FAM133B: variants seen among roughly 807,000 people sequenced by gnomAD.
The protein encoded by FAM133B is protein FAM133B.
FAM133B carries 25 observed loss-of-function variants against 46.4 expected under a neutral mutation model. The observed-to-expected ratio is 0.54, with a 90% confidence interval of 0.39 to 0.75. The LOEUF is 0.75. Among genes scored for constraint, FAM133B ranks in the 30% least tolerant of loss-of-function variants. The pLI is 0.00. For missense variants in FAM133B, 205 were observed against 277.6 expected (o/e 0.74, Z 1.86); for synonymous variants, 75 against 86.0 (o/e 0.87, Z 0.71).
chr7:92,578,217 TG>T (rs1794760509), intron 4 of FAM133B, 35 bp from the exon 5 acceptor site: 2 of 1,609,996 alleles, frequency 1.2e-6, no homozygotes, highest in South Asian at 1.1e-5. Flanking sequence ...CTAAATAAGC[TG>T]ATGTGAGTTT....
intron 1 of FAM133B, chr7:92,590,039 C>G: frequency 1.6e-6 from 1 of 607,602 alleles, no homozygotes; most frequent in South Asian, 2.0e-5. Context: ...GAAAGAGCGA[C>G]GAGGTGAGGG....
intron 7 of FAM133B, among the ~76,000 whole-genome samples, chr7:92,576,724 T>A (rs543891320): frequency 6.6e-6 from 1 of 152,352 alleles, no homozygotes; most frequent in South Asian, 2.1e-4. Context: ...TCCTGGTTAG[T>A]ACAGAACAAA....
At chr7:92,571,864 T>C (rs1274289416) in intron 8 of FAM133B, among the ~76,000 whole-genome samples, 1 of 152,218 alleles carries the variant, frequency 6.6e-6, no homozygotes, top group Non-Finnish European at 1.5e-5. Context: ...ATTTATTCAA[T>C]CTTCATATAT....
chr7:92,581,368 A>C, intron 2 of FAM133B, 138 bp downstream of exon 2: 1 of 677,690 alleles, frequency 1.5e-6, no homozygotes, highest in Non-Finnish European at 2.5e-6. Flanking sequence ...ATTCAAAAGA[A>C]AGCACATATC....
chr7:92,584,595 A>G (rs1046567922), intron 1 of FAM133B, among the ~76,000 whole-genome samples: 3 of 152,342 alleles, frequency 2.0e-5, no homozygotes, highest in East Asian at 1.9e-4. Context: ...TTACAGAATC[A>G]GGGCAAGATG....
chr7:92,575,490 A>T (rs1794666021), intron 8 of FAM133B, among the ~76,000 whole-genome samples: 1 of 152,224 alleles, frequency 6.6e-6, no homozygotes, highest in Non-Finnish European at 1.5e-5. Flanking sequence ...AAAGAAAAAA[A>T]GAAATCAAAG....
rs1585306577 is a variant in FAM133B, at chr7:92,575,745, T to G, written c.516+26A>C. 12 of 1,279,614 alleles carry G rather than the reference T, an allele frequency of 9.4e-6. No individual in the cohort carries two copies. The East Asian group carries it at 2.9e-4, about 30-fold the overall frequency. The allele number at this position is 1,279,614 out of a possible 1,614,324, so 79.3% of individuals were successfully genotyped here. A position where few individuals can be genotyped will look rare whatever the true frequency, so the allele number is the denominator to read the frequency against. ...ATTAAGTATTATATGACAGACTATC[T>G]TAAGGCAATGTAAAAGTATAGTTAC... On this transcript the variant is annotated intron_variant, in intron 8 of 10. Transcript: ENST00000445716.
At chr7:92,586,433 T>C (rs1795039392) in intron 1 of FAM133B, among the ~76,000 whole-genome samples, 1 of 152,242 alleles carries the variant, frequency 6.6e-6, no homozygotes, top group East Asian at 1.9e-4. Flanking sequence ...TTTTCATTTT[T>C]GTATCAGTGT....
intron 8 of FAM133B, among the ~76,000 whole-genome samples, chr7:92,573,386 C>G (rs1794595936): frequency 6.6e-6 from 1 of 151,738 alleles, no homozygotes; most frequent in Non-Finnish European, 1.5e-5. Flanking sequence ...AACTCCTGGC[C>G]TTAAGTGATC....
Position 92,590,259 on chromosome 7 carries a change from A to G in FAM133B, c.24+9T>C. On this transcript the variant is annotated intron_variant, in intron 1 of 10. Transcript: ENST00000445716. ...CGTCGCCCCACTGTTTTCCCGGCTG[A>G]GTACTCACCACCCGATTGTCCCGCT... 1.2e-6 allele frequency: 2 copies of G among 1,613,616 alleles called. No individual in the cohort carries two copies. Among genetic ancestry groups the G allele is most frequent in the South Asian group, 1.1e-5 (1 of 91,074 alleles).
chr7:92,567,794 C>T (rs545932809), intron 9 of FAM133B, among the ~76,000 whole-genome samples: 4 of 151,744 alleles, frequency 2.6e-5, no homozygotes, highest in East Asian at 1.9e-4. Context: ...GACAAAGTCT[C>T]GCTCTGTTGC....
rs757583531 is a variant in FAM133B at position 92,577,149 on chromosome 7, T to A, written c.419A>T (p.His140Leu). The A allele has an allele frequency of 2.0e-6, 3 of 1,502,560 alleles. No homozygotes were observed. The highest frequency in any genetic ancestry group is 1.4e-5 in the South Asian group (1 of 73,140). The allele number at this position is 1,502,560 out of a possible 1,614,324, so 93.1% of individuals were successfully genotyped here. Residue 140 changes from histidine to leucine, a missense_variant, in exon 7 of 11, where the codon CAT becomes CTT. His to Leu is a moderately conservative substitution (Grantham distance 99, BLOSUM62 -3). Coordinates refer to ENST00000445716, the MANE Select transcript of FAM133B (RefSeq NM_152789.4). ...KRRKKKKNRS[H>L]KSSESSMSET... ...TGACATGGAGCTTTCAGAAGATTTA[T>A]GTGAACGGTTCTTCTTTTTCTTTCT... is the stretch of plus-strand genomic sequence containing the variant.
Position 92,562,281 on chromosome 7 carries a change from G to A in FAM133B, c.*1C>T. 14 of 1,531,090 alleles carry A rather than the reference G, an allele frequency of 9.1e-6. No individual in the cohort carries two copies. Among genetic ancestry groups the A allele is most frequent in the African/African-American group, 1.4e-5 (1 of 72,664 alleles). The allele number at this position is 1,531,090 out of a possible 1,614,324, so 94.8% of individuals were successfully genotyped here. On this transcript the variant is annotated 3_prime_UTR_variant, in exon 11 of 11. Coordinates refer to ENST00000445716, the MANE Select transcript of FAM133B (RefSeq NM_152789.4). Reference sequence around the variant, plus strand: ...TAAGGGAATCCTGATTTTTCTTAATGTTATGGTGAGTCAGGACTTGAACTA... The same window carrying A: ...TAAGGGAATCCTGATTTTTCTTAATATTATGGTGAGTCAGGACTTGAACTA...
chr7:92,580,995 C>T (rs1374622113), intron 2 of FAM133B, among the ~76,000 whole-genome samples: 4 of 152,166 alleles, frequency 2.6e-5, no homozygotes, highest in South Asian at 4.1e-4. Context: ...GTTAACAGCT[C>T]TGAAGCCTGT....
chr7:92,568,365 C>CT (rs1794427974), intron 9 of FAM133B, among the ~76,000 whole-genome samples: 1 of 151,852 alleles, frequency 6.6e-6, no homozygotes, highest in Non-Finnish European at 1.5e-5. Flanking sequence ...ACAGCATTGA[C>CT]TGATTGATTG....
chr7:92,586,376 A>G (rs551744462), intron 1 of FAM133B, among the ~76,000 whole-genome samples: 40 of 152,370 alleles, frequency 2.6e-4, no homozygotes, highest in South Asian at 8.3e-4. Flanking sequence ...ACTATGCACA[A>G]CAGAAAGCTT....
chr7:92,583,774 C>T (rs1021145637), intron 1 of FAM133B, among the ~76,000 whole-genome samples: 4 of 151,808 alleles, frequency 2.6e-5, no homozygotes, highest in Non-Finnish European at 4.4e-5. Flanking sequence ...GTCAGCCAGG[C>T]GCGGTGGCTC....
intron 9 of FAM133B, among the ~76,000 whole-genome samples, chr7:92,566,819 T>G (rs909473315): frequency 2.0e-5 from 3 of 152,246 alleles, no homozygotes; most frequent in African/African-American, 7.2e-5. Context: ...CTATATTCAG[T>G]GTAGTTAGTA....
At chr7:92,577,392 G>A (rs1005113334) in intron 6 of FAM133B, 197 bp from the exon 7 acceptor site, 7 of 445,148 alleles carry the variant, frequency 1.6e-5, no homozygotes, top group African/African-American at 1.4e-4. Flanking sequence ...CTAGCATCTA[G>A]TCAAATAGCA....
Sources: allele counts gnomAD v4.1 joint callset (sites outside exome capture counted in the v4.1 genomes callset), GRCh38; gene constraint gnomAD v4.1.1; transcripts MANE v1.5; gene names NCBI Gene and HGNC (gene_info 2026-07-23, HGNC 2026-07-21).